PABPC4L: variants seen among roughly 807,000 people sequenced by gnomAD.
The protein encoded by PABPC4L is polyadenylate-binding protein 4-like.
For synonymous variants in PABPC4L, 169 were observed against 164.1 expected (o/e 1.03, Z -0.23); for missense variants, 452 against 451.4 (o/e 1.00, Z -0.01).
At chr4:134,143,195 T>C in the PABPC4L span, among the ~76,000 whole-genome samples, 2 of 151,112 alleles carry the variant, frequency 1.3e-5, no homozygotes, top group Non-Finnish European at 1.5e-5. Context: ...TACTATTATG[T>C]AAAAATTCTA....
the PABPC4L span, among the ~76,000 whole-genome samples, chr4:134,091,560 C>T: frequency 1.3e-5 from 2 of 151,820 alleles, no homozygotes; most frequent in Non-Finnish European, 1.5e-5. Flanking sequence ...GCATTTTGCC[C>T]TATTCCTGAA....
chr4:133,995,631 T>C, the PABPC4L span, among the ~76,000 whole-genome samples: 3 of 152,168 alleles, frequency 2.0e-5, no homozygotes, highest in Non-Finnish European at 4.4e-5. Context: ...TTTTGAGAAT[T>C]TGGTCCCAAG....
the PABPC4L span, among the ~76,000 whole-genome samples, chr4:134,077,462 A>C: frequency 6.6e-6 from 1 of 152,166 alleles, no homozygotes; most frequent in African/African-American, 2.4e-5. Flanking sequence ...GTGTAATTAC[A>C]TTATGCAAAT....
the PABPC4L span, among the ~76,000 whole-genome samples, chr4:133,969,609 A>G: frequency 1.3e-5 from 2 of 152,224 alleles, no homozygotes; most frequent in African/African-American, 2.4e-5. Context: ...GACTGCATCA[A>G]TGTGGTCACA....
At chr4:134,138,940 A>G in the PABPC4L span, among the ~76,000 whole-genome samples, 4 of 151,908 alleles carry the variant, frequency 2.6e-5, no homozygotes, top group Non-Finnish European at 5.9e-5. Flanking sequence ...AATATCAGCT[A>G]GTGAAAGAAA....
chr4:134,063,910 T>C, the PABPC4L span, among the ~76,000 whole-genome samples: 1 of 152,044 alleles, frequency 6.6e-6, no homozygotes, highest in Admixed American at 6.6e-5. Context: ...AACAAACTTG[T>C]AATATGGTCT....
At chr4:134,056,268 A>T in the PABPC4L span, among the ~76,000 whole-genome samples, 25 of 152,058 alleles carry the variant, frequency 1.6e-4, no homozygotes, top group African/African-American at 6.0e-4. Flanking sequence ...AATTGGTTAG[A>T]GTGTTTCCCC....
At chr4:134,065,413 T>C in the PABPC4L span, among the ~76,000 whole-genome samples, 2 of 152,150 alleles carry the variant, frequency 1.3e-5, no homozygotes, top group African/African-American at 4.8e-5. Context: ...TTTCTGTTCA[T>C]GTCCTTTGCC....
At chr4:134,108,401 T>A in the PABPC4L span, among the ~76,000 whole-genome samples, 1 of 151,882 alleles carries the variant, frequency 6.6e-6, no homozygotes. Flanking sequence ...TTCTCAAATG[T>A]AATGAAAATG....
chr4:134,068,031 A>C, the PABPC4L span, among the ~76,000 whole-genome samples: 1 of 152,076 alleles, frequency 6.6e-6, no homozygotes, highest in Non-Finnish European at 1.5e-5. Flanking sequence ...GATATTTGTT[A>C]GGTCCATTTG....
At chr4:134,097,166 A>G in the PABPC4L span, among the ~76,000 whole-genome samples, 14 of 152,036 alleles carry the variant, frequency 9.2e-5, no homozygotes, top group African/African-American at 3.4e-4. Context: ...AATTTTGCCT[A>G]TTAGTTAAAG....
At chr4:134,116,557 A>G in the PABPC4L span, among the ~76,000 whole-genome samples, 6 of 151,854 alleles carry the variant, frequency 4.0e-5, no homozygotes. Context: ...ATTTAAGTTT[A>G]TGTGGACCTA....
chr4:134,040,339 A>G, the PABPC4L span, among the ~76,000 whole-genome samples: 6 of 152,158 alleles, frequency 3.9e-5, no homozygotes, highest in African/African-American at 1.4e-4. Context: ...CTACAAGCCT[A>G]CAGTAACCAA....
At chr4:134,012,374 C>A in the PABPC4L span, among the ~76,000 whole-genome samples, 1 of 152,072 alleles carries the variant, frequency 6.6e-6, no homozygotes, top group African/African-American at 2.4e-5. Context: ...GAAATTCCTT[C>A]TCCTGGCTCA....
the PABPC4L span, among the ~76,000 whole-genome samples, chr4:134,006,691 G>T: frequency 6.6e-6 from 1 of 151,664 alleles, no homozygotes; most frequent in Non-Finnish European, 1.5e-5. Flanking sequence ...TATTTGGGAG[G>T]TTGCTTATAT....
the PABPC4L span, among the ~76,000 whole-genome samples, chr4:133,990,719 T>C: frequency 6.6e-6 from 1 of 152,284 alleles, no homozygotes; most frequent in Middle Eastern, 3.4e-3. Flanking sequence ...AATTTGTGGG[T>C]AATTAACATT....
At chr4:134,074,361 C>A in the PABPC4L span, among the ~76,000 whole-genome samples, 4 of 152,178 alleles carry the variant, frequency 2.6e-5, no homozygotes, top group Non-Finnish European at 5.9e-5. Flanking sequence ...ACTTCATCGT[C>A]CATATCACTG....
the PABPC4L span, among the ~76,000 whole-genome samples, chr4:134,032,105 GA>G: frequency 6.6e-6 from 1 of 151,490 alleles, no homozygotes; most frequent in African/African-American, 2.4e-5. Flanking sequence ...CATACATACA[GA>G]AATAAAGGAA....
chr4:134,059,732 G>T, the PABPC4L span, among the ~76,000 whole-genome samples: 1 of 151,768 alleles, frequency 6.6e-6, no homozygotes, highest in African/African-American at 2.4e-5. Context: ...TGAAAAACAG[G>T]AGAGAAAAGA....
Sources: gnomAD v4.1 joint callset for allele counts (sites outside exome capture counted in the v4.1 genomes callset) on GRCh38, gnomAD v4.1.1 for gene constraint, MANE v1.5 for transcripts, NCBI Gene and HGNC (gene_info 2026-07-23, HGNC 2026-07-21) for gene names.